SYT16: variants seen among roughly 807,000 people sequenced by gnomAD.
SYT16 encodes synaptotagmin-16.
A neutral mutation model predicts 61.4 loss-of-function variants in SYT16; 42 were observed. That is an observed-to-expected ratio of 0.68 (90% CI 0.53 to 0.89). The LOEUF (loss-of-function observed/expected upper bound fraction) is 0.89. Among genes scored for constraint, SYT16 ranks in the 40% least tolerant of loss-of-function variants. The probability of loss-of-function intolerance (pLI) is 0.00; values close to 1 mark genes in which losing one functional copy is unlikely to be tolerated. For missense variants in SYT16, 804 were observed against 807.3 expected, an observed-to-expected ratio of 1.00 and a Z score of 0.05; for synonymous variants, 314 against 302.3, an observed-to-expected ratio of 1.04 and a Z score of -0.40.
intron 3 of SYT16, among the ~76,000 whole-genome samples, chr14:62,028,781 AC>A (rs1311580139): frequency 6.6e-6 from 1 of 152,174 alleles, no homozygotes; most frequent in African/African-American, 2.4e-5. Flanking sequence ...AAAAAAGTAA[AC>A]CCCATACTAT....
intron 1 of SYT16, among the ~76,000 whole-genome samples, chr14:61,879,675 C>A (rs2047627450): frequency 3.9e-5 from 6 of 152,190 alleles, no homozygotes; most frequent in Admixed American, 3.9e-4. Context: ...CCATGGCCTA[C>A]CACATTTTCA....
At chr14:61,985,043 G>T (rs934808135) in intron 2 of SYT16, among the ~76,000 whole-genome samples, 1 of 152,072 alleles carries the variant, frequency 6.6e-6, no homozygotes, top group African/African-American at 2.4e-5. Context: ...TTTTTGATGG[G>T]ATCCCAAGAG....
chr14:61,875,256 A>G (rs2047450523), intron 1 of SYT16, among the ~76,000 whole-genome samples: 1 of 152,204 alleles, frequency 6.6e-6, no homozygotes, highest in South Asian at 2.1e-4. Flanking sequence ...ATATTCTTAT[A>G]CAAAAAGGGC....
intron 3 of SYT16, among the ~76,000 whole-genome samples, chr14:62,026,288 G>C (rs963411962): frequency 6.6e-5 from 10 of 152,114 alleles, no homozygotes; most frequent in Non-Finnish European, 8.8e-5. Context: ...ATCTGTTTAT[G>C]TTGCTATAAC....
chr14:61,926,007 G>A (rs2049521429), intron 1 of SYT16, among the ~76,000 whole-genome samples: 1 of 152,296 alleles, frequency 6.6e-6, no homozygotes, highest in Admixed American at 6.5e-5. Flanking sequence ...TGTATGTCTG[G>A]ATTATGCTTG....
intron 3 of SYT16, among the ~76,000 whole-genome samples, chr14:62,050,608 T>C (rs1296172095): frequency 1.3e-5 from 2 of 152,240 alleles, no homozygotes; most frequent in Non-Finnish European, 2.9e-5. Flanking sequence ...TGGTTTTATC[T>C]ACCTTTGGTC....
intron 1 of SYT16, among the ~76,000 whole-genome samples, chr14:61,955,317 C>A (rs1005273988): frequency 6.6e-6 from 1 of 152,044 alleles, no homozygotes; most frequent in Non-Finnish European, 1.5e-5. Flanking sequence ...TAAAATCTAT[C>A]CTTTTAGCAA....
At chr14:62,034,081 C>T (rs2140817701) in intron 3 of SYT16, among the ~76,000 whole-genome samples, 1 of 151,998 alleles carries the variant, frequency 6.6e-6, no homozygotes, top group East Asian at 1.9e-4. Flanking sequence ...ATACAAATGA[C>T]CAATAAGTAT....
chr14:61,996,632 T>G, intron 3 of SYT16, 90 bp downstream of exon 3: 1 of 1,470,186 alleles, frequency 6.8e-7, no homozygotes. Context: ...ATCATGTGGA[T>G]TTTATTTTTC....
intron 3 of SYT16, among the ~76,000 whole-genome samples, chr14:62,003,683 A>G (rs1000968242): frequency 1.3e-5 from 2 of 152,122 alleles, no homozygotes; most frequent in East Asian, 1.9e-4. Context: ...GTGAAATTGA[A>G]TTGGACATTC....
At chr14:61,994,980 G>A (rs974816683) in intron 2 of SYT16, among the ~76,000 whole-genome samples, 1 of 152,170 alleles carries the variant, frequency 6.6e-6, no homozygotes, top group African/African-American at 2.4e-5. Flanking sequence ...TAAGCAGTGT[G>A]TTAGGCCCTC....
At chr14:61,816,400 T>A (rs2045428388) in intron 1 of SYT16, among the ~76,000 whole-genome samples, 1 of 152,162 alleles carries the variant, frequency 6.6e-6, no homozygotes, top group African/African-American at 2.4e-5. Flanking sequence ...TGCCTAGACT[T>A]TAAAAGAAAA....
At chr14:61,900,219 C>T (rs760862710) in intron 1 of SYT16, among the ~76,000 whole-genome samples, 88 of 147,342 alleles carry the variant, frequency 6.0e-4, no homozygotes, top group African/African-American at 2.0e-3. Context: ...AATGCAGTGG[C>T]GCAATCTCGG....
intron 7 of SYT16, among the ~76,000 whole-genome samples, chr14:62,097,165 G>T (rs914547229): frequency 1.3e-5 from 2 of 152,122 alleles, no homozygotes; most frequent in East Asian, 3.8e-4. Flanking sequence ...ATAATTTGGA[G>T]ATTATGTACT....
intron 1 of SYT16, among the ~76,000 whole-genome samples, chr14:61,950,206 A>G (rs1358682811): frequency 1.3e-5 from 2 of 152,248 alleles, no homozygotes; most frequent in Non-Finnish European, 2.9e-5. Context: ...ACCTCTTTAC[A>G]TCTTTCAAAA....
chr14:62,035,880 C>A (rs1199845989), intron 3 of SYT16, among the ~76,000 whole-genome samples: 1 of 152,182 alleles, frequency 6.6e-6, no homozygotes, highest in Non-Finnish European at 1.5e-5. Context: ...AATTCCTACT[C>A]CTCCAACTAC....
chr14:61,965,984 A>C (rs2051300065), intron 1 of SYT16, among the ~76,000 whole-genome samples: 1 of 152,152 alleles, frequency 6.6e-6, no homozygotes, highest in African/African-American at 2.4e-5. Flanking sequence ...CCACAGAGTA[A>C]CGAAAAGTAA....
chr14:62,035,609 T>C (rs2353773), intron 3 of SYT16, among the ~76,000 whole-genome samples: 58,399 of 152,052 alleles, frequency 0.38, 12,654 homozygotes, highest in African/African-American at 0.59. Flanking sequence ...TGCACAGAGC[T>C]CTTGCTTACC....
At chr14:61,941,760 G>A (rs1033612886) in intron 1 of SYT16, among the ~76,000 whole-genome samples, 7 of 152,138 alleles carry the variant, frequency 4.6e-5, no homozygotes, top group African/African-American at 1.2e-4. Context: ...ATGACCATAG[G>A]TGCAAAGGTG....
Sources: gnomAD v4.1 joint callset for allele counts (sites outside exome capture counted in the v4.1 genomes callset) on GRCh38, gnomAD v4.1.1 for gene constraint, MANE v1.5 for transcripts, NCBI Gene and HGNC (gene_info 2026-07-23, HGNC 2026-07-21) for gene names.